Variants in CDH23 observed in about 807,000 individuals in gnomAD.
CDH23 encodes cadherin-23.
A neutral mutation model predicts 317.1 loss-of-function variants in CDH23; 189 were observed. The observed-to-expected ratio is 0.60, with a 90% confidence interval of 0.53 to 0.67. CDH23 has a LOEUF of 0.67. Among genes scored for constraint, CDH23 ranks in the 30% least tolerant of loss-of-function variants. CDH23 has a pLI of 0.00. For missense variants in CDH23, 4,401 were observed against 4,592.4 expected (o/e 0.96, Z 1.20); for synonymous variants, 1,839 against 1,876.8 (o/e 0.98, Z 0.52).
At position 71,520,517 on chromosome 10, in the gene CDH23, C is replaced by T. The variant is rs117994741; in HGVS notation, c.429+9305C>T. Among the ~76,000 whole-genome samples, 267 of 152,342 alleles carry T rather than the reference C, an allele frequency of 1.8e-3. 6 individuals carry two copies. The East Asian group carries it at 0.044, about 25-fold the overall frequency. ...ATCAAAGGTGGCTGGGGAAGATTCT[C>T]AGGAACTGGCTTCCAGAACCTATGA... is the stretch of plus-strand genomic sequence containing the variant. On this transcript the variant is annotated intron_variant, in intron 6 of 69. Coordinates refer to ENST00000224721, the MANE Select transcript of CDH23 (RefSeq NM_022124.6).
intron 14 of CDH23, among the ~76,000 whole-genome samples, chr10:71,650,990 AG>A (rs1032429433): frequency 2.6e-5 from 4 of 152,242 alleles, no homozygotes; most frequent in Admixed American, 2.6e-4. Flanking sequence ...GCTGTGTGCT[AG>A]GCACATGGCC....
Position 71,511,166 on chromosome 10 carries a change from A to G in CDH23, c.383A>G (p.Asn128Ser). ...ATCCAGGTTGGGGATGTGAATGACA[A>G]CGCGCCCACATTTCACAATCAGCCC... is the stretch of plus-strand genomic sequence containing the variant. ...VNIQVGDVND[N>S]APTFHNQPYS... The change falls in exon 6 of 70, where the codon AAC becomes AGC. Residue 128 changes from asparagine (N) to serine (S), a missense_variant. Coordinates refer to ENST00000224721, the MANE Select transcript of CDH23 (RefSeq NM_022124.6). 1.2e-6 allele frequency: 2 copies of G among 1,613,596 alleles called. No homozygotes were observed. Among genetic ancestry groups the G allele is most frequent in the East Asian group, 2.2e-5 (1 of 44,864 alleles).
rs562271186 is a variant in CDH23 at position 71,431,877 on chromosome 10, G to A, written c.-5-7950G>A. ...GGGAGAGATGGGAGATGGTCACGGTGGGGGCCCTGCCCCGGGAGTTAGGCC... is the reference window on the plus strand; with the variant it reads ...GGGAGAGATGGGAGATGGTCACGGTAGGGGCCCTGCCCCGGGAGTTAGGCC... On this transcript the variant is annotated intron_variant, in intron 1 of 69. Coordinates refer to ENST00000224721, the MANE Select transcript of CDH23 (RefSeq NM_022124.6). Among the ~76,000 whole-genome samples the A allele has an allele frequency of 9.2e-5, 14 of 152,352 alleles. 1 individual carries two copies. Among genetic ancestry groups the A allele is most frequent in the Non-Finnish European group, 1.8e-4 (12 of 68,032 alleles).
intron 66 of CDH23, 133 bp from the exon 67 acceptor site, chr10:71,812,347 G>A (rs771484790): frequency 1.9e-6 from 3 of 1,599,576 alleles, no homozygotes; most frequent in Non-Finnish European, 8.5e-7. Flanking sequence ...ACAGGCACCA[G>A]GGCCTCACAC....
At chr10:71,482,945 G>C (rs539691613) in intron 3 of CDH23, among the ~76,000 whole-genome samples, 1 of 152,244 alleles carries the variant, frequency 6.6e-6, no homozygotes, top group Non-Finnish European at 1.5e-5. Context: ...TTTCTCTGTG[G>C]AAGTAAATCT....
Position 71,510,998 on chromosome 10 carries a change from G to C in CDH23, c.333G>C (p.Gln111His), listed in dbSNP as rs1176827755. The change falls in exon 5 of 70, where the codon CAG (glutamine) becomes CAC (histidine). Residue 111 changes from glutamine to histidine, a missense_variant. Physicochemically the swap from Gln to His is conservative, Grantham distance 24. Transcript: ENST00000224721. ...FTVEFSVSDH[Q>H]GVITRKVNIQ... ...TGGAGTTCTCTGTCAGCGACCACCA[G>C]GGGGTGAGTGTTCCCTGGGGCCCTG... 2 of 1,613,870 alleles carry C rather than the reference G, an allele frequency of 1.2e-6. No homozygotes were observed. Among genetic ancestry groups the C allele is most frequent in the African/African-American group, 1.3e-5 (1 of 75,026 alleles).
chr10:71,657,510 G>C (rs1025124794), intron 14 of CDH23, among the ~76,000 whole-genome samples: 1 of 152,182 alleles, frequency 6.6e-6, no homozygotes. Flanking sequence ...GACAAAACTT[G>C]CCAACGTGAA....
Position 71,791,239 on chromosome 10 carries a change from G to A in CDH23, c.6157G>A (p.Ala2053Thr), listed in dbSNP as rs375845975. 2.5e-6 allele frequency: 4 copies of A among 1,613,552 alleles called. 1 individual carries two copies. The highest frequency in any genetic ancestry group is 2.2e-5 in the South Asian group (2 of 91,034). The change falls in exon 47 of 70, where the codon GCC becomes ACC. Residue 2053 changes from alanine (A) to threonine (T), a missense_variant. Ala to Thr is a moderately conservative substitution (Grantham distance 58). Around this residue, in one of 3 missense-constraint regions of CDH23, gnomAD observed 3,068 missense variants for 3,203.3 expected, o/e 0.96. Coordinates refer to ENST00000224721, the MANE Select transcript of CDH23 (RefSeq NM_022124.6). Reference sequence around the variant, plus strand: ...GGACATCGGGCTGCTCAACAGCACGGCCCACCTGCTCATCACCATCCTGGA... The same window carrying A: ...GGACATCGGGCTGCTCAACAGCACGACCCACCTGCTCATCACCATCCTGGA... Reference protein sequence around the residue: ...AEDIGLLNSTAHLLITILDDN... With the variant: ...AEDIGLLNSTTHLLITILDDN...
intron 18 of CDH23, among the ~76,000 whole-genome samples, chr10:71,685,872 C>T (rs1305288274): frequency 2.0e-5 from 3 of 152,178 alleles, no homozygotes; most frequent in South Asian, 2.1e-4. Flanking sequence ...AGCTGTCACT[C>T]GGCTAAGCGG....
intron 8 of CDH23, among the ~76,000 whole-genome samples, chr10:71,573,057 G>A (rs1443781214): frequency 6.6e-6 from 1 of 152,242 alleles, no homozygotes; most frequent in East Asian, 1.9e-4. Flanking sequence ...CACTGGGAAA[G>A]GGGGATAATT....
intron 38 of CDH23, chr10:71,762,127 C>T: frequency 1.5e-6 from 2 of 1,350,704 alleles, no homozygotes; most frequent in South Asian, 3.0e-5. Flanking sequence ...TTCCCAGCCA[C>T]AGGCCAGGGG....
chr10:71,476,583 G>A (rs1210317345), intron 3 of CDH23, among the ~76,000 whole-genome samples: 1 of 152,188 alleles, frequency 6.6e-6, no homozygotes, highest in Non-Finnish European at 1.5e-5. Flanking sequence ...GACAGAGGAT[G>A]GGAGCACCAG....
At position 71,439,810 on chromosome 10, in the gene CDH23, T is replaced by C; in HGVS notation, c.-5-17T>C. ...CCAGGAAGCTTCTCACCCTCTTCTC[T>C]TTCTTTGTGTCCCCAGGAGCCATGG... On this transcript the variant is annotated splice_polypyrimidine_tract_variant and intron_variant, in intron 1 of 69. Coordinates refer to ENST00000224721, the MANE Select transcript of CDH23 (RefSeq NM_022124.6). 6.4e-7 allele frequency: 1 copy of C among 1,552,962 alleles called. No homozygotes were observed. The highest frequency in any genetic ancestry group is 8.7e-7 in the Non-Finnish European group (1 of 1,146,768).
intron 11 of CDH23, among the ~76,000 whole-genome samples, chr10:71,643,351 C>T (rs539640008): frequency 6.6e-6 from 1 of 152,136 alleles, no homozygotes; most frequent in South Asian, 2.1e-4. Context: ...TTTTTAACTT[C>T]TGGAAAATTT....
intron 41 of CDH23, among the ~76,000 whole-genome samples, chr10:71,781,062 G>T (rs373915977): frequency 1.3e-5 from 2 of 152,296 alleles, no homozygotes; most frequent in Middle Eastern, 6.8e-3. Context: ...ACCAGGTAGA[G>T]GTTGCGTATA....
intron 34 of CDH23, 39 bp from the exon 35 acceptor site, chr10:71,738,459 G>A (rs1408534714): frequency 1.2e-6 from 2 of 1,613,596 alleles, no homozygotes; most frequent in East Asian, 2.2e-5. Flanking sequence ...GCCAAGGAGG[G>A]GAAGGAGGCT....
At chr10:71,546,818 A>T (rs1365574980) in intron 6 of CDH23, among the ~76,000 whole-genome samples, 1 of 152,196 alleles carries the variant, frequency 6.6e-6, no homozygotes, top group Admixed American at 6.5e-5. Context: ...GCCTTCACAG[A>T]TGCCTTCAGA....
At chr10:71,417,964 G>C (rs755261434) in intron 1 of CDH23, among the ~76,000 whole-genome samples, 5 of 152,150 alleles carry the variant, frequency 3.3e-5, no homozygotes, top group Admixed American at 6.5e-5. Flanking sequence ...CTCTTCAACT[G>C]TATCTAATTC....
chr10:71,806,182 C>T lies in CDH23; in HGVS notation c.8079C>T (p.Ala2693=). 1 of 1,564,724 alleles carries T rather than the reference C, an allele frequency of 6.4e-7. No homozygotes were observed. ...SQAVYSLILV[A]SDLGQPVPYE... ...TCCGCTCCTAGCTCATCTTGGTGGCCAGCGACCTGGGCCAGCCAGTGCCAT... is the reference window on the plus strand; with the variant it reads ...TCCGCTCCTAGCTCATCTTGGTGGCTAGCGACCTGGGCCAGCCAGTGCCAT... The change falls in exon 57 of 70, where the codon GCC becomes GCT. Residue 2693 remains alanine (A), a synonymous_variant. Transcript: ENST00000224721.
Sources: gnomAD v4.1 joint callset for allele counts (sites outside exome capture counted in the v4.1 genomes callset) on GRCh38, gnomAD v4.1.1 for gene constraint, gnomAD v4.1.1 regional missense constraint, MANE v1.5 for transcripts, NCBI Gene and HGNC (gene_info 2026-07-23, HGNC 2026-07-21) for gene names.